The following PTPRN2 variants were observed in gnomAD, a reference collection of about 807,000 sequenced individuals.
PTPRN2 encodes protein tyrosine phosphatase receptor type N2.
PTPRN2 carries 74 observed loss-of-function variants against 118.8 expected under a neutral mutation model. The ratio of observed to expected loss-of-function variants is 0.62; its 90% CI spans 0.52 to 0.76. PTPRN2 has a LOEUF of 0.76. Among genes scored for constraint, PTPRN2 ranks in the 30% least tolerant of loss-of-function variants. The probability of loss-of-function intolerance (pLI) is 0.00; values close to 1 mark genes in which losing one functional copy is unlikely to be tolerated. For missense variants in PTPRN2, 1,481 were observed against 1,394.4 expected, an observed-to-expected ratio of 1.06 and a Z score of -0.99; for synonymous variants, 641 against 608.0, an observed-to-expected ratio of 1.05 and a Z score of -0.80.
At chr7:158,532,737 A>C (rs375146018) in intron 1 of PTPRN2, 4 of 534,634 alleles carry the variant, frequency 7.5e-6, no homozygotes, top group Non-Finnish European at 1.5e-5. Flanking sequence ...TCCTCCAGAC[A>C]CACCACGGCA....
At chr7:157,850,380 G>A (rs370469125) in intron 12 of PTPRN2, among the ~76,000 whole-genome samples, 14 of 151,116 alleles carry the variant, frequency 9.3e-5, no homozygotes, top group African/African-American at 1.5e-4. Context: ...TTCCATTTCC[G>A]ACGTGGGGTG....
At chr7:158,047,373 C>G (rs1017924537) in intron 11 of PTPRN2, among the ~76,000 whole-genome samples, 2 of 152,358 alleles carry the variant, frequency 1.3e-5, no homozygotes, top group African/African-American at 4.8e-5. Context: ...CACATCATGT[C>G]CAAGGGCAAT....
chr7:158,347,128 G>T (rs762289652), intron 2 of PTPRN2, among the ~76,000 whole-genome samples: 4 of 152,064 alleles, frequency 2.6e-5, no homozygotes, highest in African/African-American at 7.2e-5. Flanking sequence ...GTTTATTTTT[G>T]ATTTTGTTGC....
Position 157,590,973 on chromosome 7 carries a change from C to T in PTPRN2, c.2496+4265G>A, listed in dbSNP as rs1800952738. On this transcript the variant is annotated intron_variant, in intron 17 of 22. Coordinates refer to ENST00000389418, the MANE Select transcript of PTPRN2 (RefSeq NM_002847.5). The surrounding 1 kb of genome is among the most constrained non-coding windows in gnomAD (Gnocchi z 4.0). ...TGGGTAGAATCATGTACCCCCAAAT[C>T]CATGTCCACCTGGAACCCATGAATG... Among the ~76,000 whole-genome samples, 1 of 152,168 alleles carries T rather than the reference C, an allele frequency of 6.6e-6. No individual in the cohort carries two copies. Among genetic ancestry groups the T allele is most frequent in the Admixed American group, 6.5e-5 (1 of 15,272 alleles).
intron 6 of PTPRN2, among the ~76,000 whole-genome samples, chr7:158,139,299 A>G (rs1433911817): frequency 6.6e-6 from 1 of 152,190 alleles, no homozygotes; most frequent in African/African-American, 2.4e-5. Flanking sequence ...TCCAACACAC[A>G]TTCTGTAAGT....
At chr7:158,177,057 G>A (rs1267589792) in intron 5 of PTPRN2, among the ~76,000 whole-genome samples, 1 of 152,230 alleles carries the variant, frequency 6.6e-6, no homozygotes, top group East Asian at 1.9e-4. Flanking sequence ...TAGAGCCACT[G>A]TGGGCAGTCA....
chr7:158,498,455 G>A (rs943022744), intron 1 of PTPRN2, among the ~76,000 whole-genome samples: 6 of 151,570 alleles, frequency 4.0e-5, no homozygotes, highest in East Asian at 1.9e-4. Flanking sequence ...TGGGAACCGC[G>A]CTCTCCATGC....
At chr7:158,373,040 G>A (rs1316885456) in intron 2 of PTPRN2, among the ~76,000 whole-genome samples, 5 of 152,194 alleles carry the variant, frequency 3.3e-5, no homozygotes, top group Admixed American at 3.3e-4. Flanking sequence ...CGCTGCACAG[G>A]GCAGCACGGC....
chr7:157,842,242 T>TGCTTTATGGGGTCATTTCAGCGC (rs1808473969), intron 12 of PTPRN2, among the ~76,000 whole-genome samples: 1 of 152,092 alleles, frequency 6.6e-6, no homozygotes, highest in Non-Finnish European at 1.5e-5. Flanking sequence ...CACACATTCC[T>TGCTTTATGGGGTCATTTCAGCGC]GCTTTATGGG....
intron 11 of PTPRN2, among the ~76,000 whole-genome samples, chr7:157,935,872 G>A (rs1401185813): frequency 6.7e-6 from 1 of 149,076 alleles, no homozygotes; most frequent in African/African-American, 2.5e-5. Flanking sequence ...TCCCTCAGGG[G>A]GGTCTAGCCA....
chr7:158,018,637 CCAAACGTT>C (rs1252333019), intron 11 of PTPRN2, among the ~76,000 whole-genome samples: 1 of 152,094 alleles, frequency 6.6e-6, no homozygotes, highest in Non-Finnish European at 1.5e-5. Context: ...CGGTTCCTAA[CCAAACGTT>C]CAGTTTGTTT....
Position 157,656,407 on chromosome 7 carries a change from C to T in PTPRN2, c.2146G>A (p.Glu716Lys), listed in dbSNP as rs577236042. 1.4e-5 allele frequency: 22 copies of T among 1,552,974 alleles called. No homozygotes were observed. In the Middle Eastern group the frequency reaches 6.7e-4, roughly 47 times the overall value. ...SARSSASSWSEEPVQSNMDIS... is the reference protein window; with the variant it reads ...SARSSASSWSKEPVQSNMDIS... ...TCCATGTTGGACTGCACAGGCTCCTCGGACCAGGATGAGGCGCTGCTGCGT... is the reference window on the plus strand; with the variant it reads ...TCCATGTTGGACTGCACAGGCTCCTTGGACCAGGATGAGGCGCTGCTGCGT... Residue 716 changes from glutamate (E) to lysine (K), a missense_variant, in exon 14 of 23, where the codon GAG (glutamate) becomes AAG (lysine). Glu to Lys is a moderately conservative substitution (Grantham distance 56). Transcript: ENST00000389418.
chr7:158,208,140 C>A (rs534305135), intron 3 of PTPRN2, among the ~76,000 whole-genome samples: 84 of 152,158 alleles, frequency 5.5e-4, no homozygotes, highest in Admixed American at 9.8e-4. Flanking sequence ...TGAAGCACAC[C>A]TGCATGATCT....
intron 6 of PTPRN2, among the ~76,000 whole-genome samples, chr7:158,164,793 TAG>T (rs1554568570): frequency 1.3e-5 from 2 of 151,768 alleles, no homozygotes; most frequent in Non-Finnish European, 2.9e-5. Context: ...AGAAGGAGTA[TAG>T]AGGTGGGAGA....
In PTPRN2 at chr7:158,245,805, G is replaced by A. The variant is rs548600398; in HGVS notation, c.278-40532C>T. On this transcript the variant is annotated intron_variant, in intron 3 of 22. Transcript: ENST00000389418. ...GCTCAGGGCCGGCACACAGTAGGTC[G>A]CTTGTGCGTGGCCACCATGCTATCC... Among the ~76,000 whole-genome samples, 218 of 152,242 alleles carry A rather than the reference G, an allele frequency of 1.4e-3. 1 individual carries two copies. The highest frequency in any genetic ancestry group is 5.1e-3 in the African/African-American group (210 of 41,494).
At chr7:158,114,616 C>T (rs1816572848) in intron 9 of PTPRN2, among the ~76,000 whole-genome samples, 1 of 152,106 alleles carries the variant, frequency 6.6e-6, no homozygotes, top group Non-Finnish European at 1.5e-5. Context: ...GCCAGCGGCC[C>T]CCGGCAGCCT....
intron 21 of PTPRN2, among the ~76,000 whole-genome samples, chr7:157,563,684 C>T (rs1480329327): frequency 1.3e-5 from 2 of 148,642 alleles, no homozygotes; most frequent in African/African-American, 5.0e-5. Context: ...CCACAGACAG[C>T]AGATCAGGAC....
rs548523802 is a variant in PTPRN2, at chr7:158,569,302, C to G, written c.112+18256G>C. Among the ~76,000 whole-genome samples, 365 of 152,336 alleles carry G rather than the reference C, an allele frequency of 2.4e-3. 5 individuals carry two copies. Among genetic ancestry groups the G allele is most frequent in the Admixed American group, 0.022 (330 of 15,312 alleles). On this transcript the variant is annotated intron_variant, in intron 1 of 22. Coordinates refer to ENST00000389418, the MANE Select transcript of PTPRN2 (RefSeq NM_002847.5). ...CCGTGTCCCTGAGCGAACGCACCGG[C>G]TTTGGGTTGTAAACCAGGGAGTTTG...
intron 3 of PTPRN2, among the ~76,000 whole-genome samples, chr7:158,311,490 G>C (rs565123440): frequency 8.3e-4 from 127 of 152,304 alleles, no homozygotes; most frequent in Admixed American, 3.3e-3. Context: ...TGAGAGAGCA[G>C]TGTGTCTGCC....
Sources: gnomAD v4.1 joint callset for allele counts (sites outside exome capture counted in the v4.1 genomes callset) on GRCh38, gnomAD v4.1.1 for gene constraint, Gnocchi (gnomAD v3.1) non-coding constraint, MANE v1.5 for transcripts, NCBI Gene and HGNC (gene_info 2026-07-23, HGNC 2026-07-21) for gene names.